Variants in RASA3 observed in about 807,000 individuals in gnomAD.
The protein encoded by RASA3 is RAS p21 protein activator 3.
Under a neutral mutation model 110.0 loss-of-function variants are expected in RASA3, and 73 were observed. That is an observed-to-expected ratio of 0.66 (90% CI 0.55 to 0.81). The LOEUF (loss-of-function observed/expected upper bound fraction) is 0.81, where lower values mean the gene tolerates loss of function less well. Ranked by LOEUF, RASA3 falls within the 30% of genes least tolerant of loss-of-function variation. The pLI, the probability that RASA3 is intolerant of heterozygous loss-of-function variation, is 0.00. For missense variants in RASA3, 976 were observed against 1,113.2 expected (o/e 0.88, Z 1.75); for synonymous variants, 500 against 451.4 (o/e 1.11, Z -1.37).
At chr13:114,103,355 C>T (rs1016917071) in intron 1 of RASA3, among the ~76,000 whole-genome samples, 1 of 152,092 alleles carries the variant, frequency 6.6e-6, no homozygotes, top group Non-Finnish European at 1.5e-5. Context: ...TGGGGTAGCT[C>T]TCACCCTTGC....
chr13:114,088,552 TAA>T (rs2079848879), intron 1 of RASA3, among the ~76,000 whole-genome samples: 1 of 47,618 alleles, frequency 2.1e-5, no homozygotes, highest in Admixed American at 1.8e-4. Context: ...ATTCCCAAAT[TAA>T]TTTTTTTTTT....
Position 114,016,255 on chromosome 13 carries a change from T to A in RASA3, c.1223A>T (p.Lys408Ile), listed in dbSNP as rs767695730. The A allele has an allele frequency of 1.9e-6, 3 of 1,597,190 alleles. No homozygotes were observed. The African/African-American group carries it at 4.0e-5, about 21-fold the overall frequency. ...CTTCACAGGGTCGATTTCACAGGGT[T>A]TGTGGCTCTGGCATATCTGGGGAGA... ...PAIEEICQSHKPCEIDPVKLK... is the reference protein window; with the variant it reads ...PAIEEICQSHIPCEIDPVKLK... The change falls in exon 13 of 24, where the codon AAA becomes ATA. Residue 408 changes from lysine (K) to isoleucine (I), a missense_variant. Physicochemically the swap from Lys to Ile is moderately radical, Grantham distance 102. Around this residue, in one of 4 missense-constraint regions of RASA3, gnomAD observed 732 missense variants for 779.7 expected, o/e 0.94. Coordinates refer to ENST00000334062, the MANE Select transcript of RASA3 (RefSeq NM_007368.4).
At position 114,056,099 on chromosome 13, in the gene RASA3, C is replaced by T. The variant is rs559807270; in HGVS notation, c.174-3944G>A. Among the ~76,000 whole-genome samples the T allele has an allele frequency of 1.3e-5, 2 of 152,286 alleles. No individual in the cohort carries two copies. Among genetic ancestry groups the T allele is most frequent in the East Asian group, 1.9e-4 (1 of 5,172 alleles). ...CCGTTTCCCGAGAGCCCCCCGCCCC[C>T]GCACAGGCACTGAGGACCCCACCAC... On this transcript the variant is annotated intron_variant, in intron 2 of 23. Transcript: ENST00000334062. This position sits in a 1 kb window ranked among gnomAD's most constrained non-coding sequence, Gnocchi z 5.7.
Position 114,078,115 on chromosome 13 carries a change from A to G in RASA3, c.56-4278T>C, listed in dbSNP as rs556403149. 42 of 623,652 alleles carry G rather than the reference A, an allele frequency of 6.7e-5. No homozygotes were observed. The African/African-American group carries it at 8.0e-4, about 12-fold the overall frequency. The allele number at this position is 623,652 out of a possible 1,614,324, so 38.6% of individuals were successfully genotyped here. ...AGACCAGGAGGGCTGGGGCTGCTGC[A>G]GCACGGCCTGGCCACGTCGCCCCGG... On this transcript the variant is annotated intron_variant, in intron 1 of 23. Transcript: ENST00000334062.
chr13:114,025,563 T>G (rs1340702823), intron 7 of RASA3, among the ~76,000 whole-genome samples: 2 of 152,252 alleles, frequency 1.3e-5, no homozygotes, highest in African/African-American at 4.8e-5. Context: ...ATCCCTCCCA[T>G]GCTGGCCTGG....
Position 114,065,450 on chromosome 13 carries a change from G to A in RASA3, c.173+8270C>T, listed in dbSNP as rs940995950. Among the ~76,000 whole-genome samples the A allele has an allele frequency of 6.6e-6, 1 of 152,318 alleles. No homozygotes were observed. The highest frequency in any genetic ancestry group is 1.9e-4 in the East Asian group (1 of 5,174). On this transcript the variant is annotated intron_variant, in intron 2 of 23. Coordinates refer to ENST00000334062, the MANE Select transcript of RASA3 (RefSeq NM_007368.4). The surrounding 1 kb of genome is among the most constrained non-coding windows in gnomAD (Gnocchi z 4.1). ...CAAACCGGGTCTGCGAAGCAGCCCTGGGGCTCCCAAGCCAGCCTCTGGGCT... is the reference window on the plus strand; with the variant it reads ...CAAACCGGGTCTGCGAAGCAGCCCTAGGGCTCCCAAGCCAGCCTCTGGGCT...
At chr13:114,031,481 T>C (rs1028161709) in intron 4 of RASA3, among the ~76,000 whole-genome samples, 1 of 151,808 alleles carries the variant, frequency 6.6e-6, no homozygotes, top group Admixed American at 6.6e-5. Flanking sequence ...TGCATGTCCT[T>C]CTGTGTGTGT....
At chr13:113,990,983 G>A (rs2053096746) in intron 22 of RASA3, among the ~76,000 whole-genome samples, 1 of 149,224 alleles carries the variant, frequency 6.7e-6, no homozygotes, top group Non-Finnish European at 1.5e-5. Context: ...ATGGGCAGCT[G>A]CACGGACACC....
chr13:114,042,647 C>T (rs1316207312), intron 3 of RASA3, among the ~76,000 whole-genome samples: 4 of 152,358 alleles, frequency 2.6e-5, no homozygotes, highest in African/African-American at 9.6e-5. Flanking sequence ...CCCTGCCTCA[C>T]GCCAGGACAG....
chr13:113,999,054 G>C (rs972613499), intron 20 of RASA3, among the ~76,000 whole-genome samples: 19 of 38,030 alleles, frequency 5.0e-4, no homozygotes, highest in African/African-American at 7.0e-4. Flanking sequence ...ACTGGGGAAC[G>C]AGGCGACATG....
At chr13:113,981,209 G>A (rs992330685) in intron 23 of RASA3, among the ~76,000 whole-genome samples, 4 of 152,194 alleles carry the variant, frequency 2.6e-5, no homozygotes, top group African/African-American at 9.6e-5. Context: ...GCCTGCAGCT[G>A]GTGACTAAGC....
chr13:114,013,888 C>CTTTT (rs1443261098), intron 14 of RASA3, among the ~76,000 whole-genome samples: 5 of 17,086 alleles, frequency 2.9e-4, no homozygotes, highest in African/African-American at 1.9e-3. Context: ...ATCTCTGTCT[C>CTTTT]TCTCTTTTTC....
intron 11 of RASA3, 64 bp downstream of exon 11, chr13:114,018,040 G>T: frequency 3.5e-6 from 5 of 1,418,354 alleles, no homozygotes; most frequent in Non-Finnish European, 4.6e-6. Flanking sequence ...GGTTCTCGGC[G>T]ACGACCTTGC....
intron 4 of RASA3, among the ~76,000 whole-genome samples, chr13:114,032,790 ACGCCC>A (rs2054196012): frequency 1.1e-4 from 4 of 35,596 alleles, no homozygotes; most frequent in East Asian, 1.0e-3. Context: ...CACTGACACC[ACGCCC>A]CACGGCACCC....
intron 1 of RASA3, among the ~76,000 whole-genome samples, chr13:114,124,735 A>C (rs1385449209): frequency 6.6e-6 from 1 of 152,168 alleles, no homozygotes; most frequent in Non-Finnish European, 1.5e-5. Context: ...CCGCTCCTTC[A>C]CCTGTCCACA....
chr13:113,996,848 G>A (rs1292029620), intron 20 of RASA3, 109 bp from the exon 21 acceptor site: 1 of 978,132 alleles, frequency 1.0e-6, no homozygotes, highest in Non-Finnish European at 1.6e-6. Context: ...AAGAGGGGAC[G>A]CTGAGGGTGC....
At chr13:113,981,137 G>A (rs1026551285) in intron 23 of RASA3, among the ~76,000 whole-genome samples, 5 of 152,192 alleles carry the variant, frequency 3.3e-5, no homozygotes, top group African/African-American at 9.6e-5. Context: ...CAACTCATGA[G>A]GGTCTTACAA....
intron 17 of RASA3, 72 bp from the exon 18 acceptor site, chr13:114,007,678 C>T (rs2053547406): frequency 3.9e-6 from 5 of 1,297,774 alleles, no homozygotes; most frequent in Middle Eastern, 1.8e-4. Context: ...TGTATAACAA[C>T]AGCGTCGGCG....
Position 114,048,467 on chromosome 13 carries a change from C to A in RASA3, c.277+3585G>T, listed in dbSNP as rs1031466531. ...GGCCCAGAGGAAGGTGGAGGCCTAG[C>A]GGGAAAAGGAGGGAGGCGCCAGGAT... is the stretch of plus-strand genomic sequence containing the variant. On this transcript the variant is annotated intron_variant, in intron 3 of 23. Transcript: ENST00000334062. This position sits in a 1 kb window ranked among gnomAD's most constrained non-coding sequence, Gnocchi z 4.3. Among the ~76,000 whole-genome samples the A allele has an allele frequency of 3.3e-5, 5 of 152,038 alleles. No homozygotes were observed. The highest frequency in any genetic ancestry group is 6.5e-5 in the Admixed American group (1 of 15,268).
Sources: allele counts gnomAD v4.1 joint callset (sites outside exome capture counted in the v4.1 genomes callset), GRCh38; gene constraint gnomAD v4.1.1; regional missense constraint gnomAD v4.1.1; non-coding constraint Gnocchi (gnomAD v3.1); transcripts MANE v1.5; gene names NCBI Gene and HGNC (gene_info 2026-07-23, HGNC 2026-07-21).